ROCK2: variants seen among roughly 807,000 people sequenced by gnomAD.
ROCK2 encodes the protein Rho associated coiled-coil containing protein kinase 2.
In ROCK2, 61 loss-of-function variants were observed where a neutral mutation model predicts 195.1. The ratio of observed to expected loss-of-function variants is 0.31; its 90% confidence interval spans 0.25 to 0.39. The LOEUF (loss-of-function observed/expected upper bound fraction) is 0.39. Among genes scored for constraint, ROCK2 ranks in the 10% least tolerant of loss-of-function variants. The pLI is 1.00. For missense variants in ROCK2, 1,109 were observed against 1,637.4 expected (o/e 0.68, Z 5.57); for synonymous variants, 504 against 545.5 (o/e 0.92, Z 1.06).
chr2:11,307,978 C>T (rs1473611136), intron 1 of ROCK2: 28 of 1,482,546 alleles, frequency 1.9e-5, no homozygotes, highest in Non-Finnish European at 2.4e-5. Flanking sequence ...CCCTAGAACC[C>T]GGCCTTGCTG....
Position 11,192,407 on chromosome 2 carries a change from C to A in ROCK2, c.3949+44G>T. 6.2e-7 allele frequency: 1 copy of A among 1,606,234 alleles called. No individual in the cohort carries two copies. Among genetic ancestry groups the A allele is most frequent in the Non-Finnish European group, 8.5e-7 (1 of 1,176,942 alleles). On this transcript the variant is annotated intron_variant, in intron 31 of 32. Coordinates refer to ENST00000315872, the MANE Select transcript of ROCK2 (RefSeq NM_004850.5). This position sits in a 1 kb window ranked among gnomAD's most constrained non-coding sequence, Gnocchi z 5.0. ...AAAAAATTAATGTGCTTAAAATGAT[C>A]TGAACATAACCAATATCGATGGAGC...
rs1664178470 is a variant in ROCK2 at position 11,209,548 on chromosome 2, C to T, written c.2204-1101G>A. Among the ~76,000 whole-genome samples, 4 of 152,090 alleles carry T rather than the reference C, an allele frequency of 2.6e-5. 1 individual carries two copies. The highest frequency in any genetic ancestry group is 9.7e-5 in the African/African-American group (4 of 41,416). On this transcript the variant is annotated intron_variant, in intron 18 of 32. Coordinates refer to ENST00000315872, the MANE Select transcript of ROCK2 (RefSeq NM_004850.5). ...CTCATAGGATTATGAGTAATCTTTG[C>T]TTTTTTCTTTATACTTTCCTGTGTT...
At chr2:11,225,561 A>AG (rs1184811856) in intron 6 of ROCK2, among the ~76,000 whole-genome samples, 2 of 151,740 alleles carry the variant, frequency 1.3e-5, no homozygotes, top group Non-Finnish European at 2.9e-5. Flanking sequence ...GCTGGCCTTG[A>AG]GCTCCTGGGC....
At chr2:11,209,495 G>A (rs1664176530) in intron 18 of ROCK2, among the ~76,000 whole-genome samples, 1 of 152,140 alleles carries the variant, frequency 6.6e-6, no homozygotes, top group Non-Finnish European at 1.5e-5. Context: ...TATAGAAAGT[G>A]GAGAAAATTT....
chr2:11,192,216 A>G lies in ROCK2; in HGVS notation c.4095T>C (p.Thr1365=). Residue 1365 remains threonine (T), a synonymous_variant, in exon 32 of 33, where the codon ACT becomes ACC. Coordinates refer to ENST00000315872, the MANE Select transcript of ROCK2 (RefSeq NM_004850.5). This position sits in a 1 kb window ranked among gnomAD's most constrained non-coding sequence, Gnocchi z 5.0. The part of the protein sequence containing the change: ...PDPFARSSPR[T]SMKIQQNQSI... ...ACTGGTTTTGCTGTATCTTCATTGAAGTTCTAGGAGATGATCGGGCAAAAG... is the reference window on the plus strand; with the variant it reads ...ACTGGTTTTGCTGTATCTTCATTGAGGTTCTAGGAGATGATCGGGCAAAAG... 1 of 1,613,896 alleles carries G rather than the reference A, an allele frequency of 6.2e-7. No individual in the cohort carries two copies. The highest frequency in any genetic ancestry group is 1.1e-5 in the South Asian group (1 of 91,068).
At chr2:11,273,234 G>A (rs2148169617) in intron 3 of ROCK2, among the ~76,000 whole-genome samples, 1 of 151,550 alleles carries the variant, frequency 6.6e-6, no homozygotes, top group Non-Finnish European at 1.5e-5. Context: ...TTGGCAGAAT[G>A]AATTAAAAAA....
At chr2:11,295,906 G>C (rs1480805425) in intron 1 of ROCK2, among the ~76,000 whole-genome samples, 1 of 150,982 alleles carries the variant, frequency 6.6e-6, no homozygotes, top group South Asian at 2.1e-4. Flanking sequence ...GCAGTGAGCC[G>C]AGATCGCGCC....
intron 23 of ROCK2, among the ~76,000 whole-genome samples, chr2:11,199,825 T>C (rs1324019828): frequency 6.6e-6 from 1 of 152,246 alleles, no homozygotes; most frequent in East Asian, 1.9e-4. Context: ...GCATTGTGCC[T>C]AAATTTCTAT....
chr2:11,307,993 A>C, intron 1 of ROCK2: 1 of 1,447,778 alleles, frequency 6.9e-7, no homozygotes. Context: ...TTGCTGGGGT[A>C]GGGGCAGGAG....
intron 12 of ROCK2, among the ~76,000 whole-genome samples, chr2:11,216,514 CTTTTTT>C (rs78853931): frequency 7.2e-6 from 1 of 139,396 alleles, no homozygotes; most frequent in African/African-American, 2.6e-5. Flanking sequence ...TTTCTTTTTT[CTTTTTT>C]TTTTTTTTGA....
intron 32 of ROCK2, among the ~76,000 whole-genome samples, chr2:11,189,543 C>T (rs927251328): frequency 2.6e-5 from 4 of 152,224 alleles, no homozygotes; most frequent in Non-Finnish European, 5.9e-5. Context: ...ATCTCTCACA[C>T]TTTCAAATAA....
At chr2:11,248,733 A>AAAG (rs1665718070) in intron 4 of ROCK2, among the ~76,000 whole-genome samples, 3 of 145,306 alleles carry the variant, frequency 2.1e-5, no homozygotes, top group Non-Finnish European at 3.0e-5. Flanking sequence ...AAAAAAAAAA[A>AAAG]AAAAAGAAAG....
At chr2:11,323,445 T>G (rs1668457164) in intron 1 of ROCK2, among the ~76,000 whole-genome samples, 2 of 152,166 alleles carry the variant, frequency 1.3e-5, no homozygotes, top group African/African-American at 2.4e-5. Context: ...TAAACCTTTA[T>G]TCAAAGAATT....
chr2:11,278,769 C>T (rs1023054203), intron 3 of ROCK2, among the ~76,000 whole-genome samples: 3 of 152,098 alleles, frequency 2.0e-5, no homozygotes, highest in Admixed American at 2.0e-4. Flanking sequence ...CCTGCCGCCA[C>T]GCCTGGCTAA....
chr2:11,338,411 C>T (rs1388859386), intron 1 of ROCK2, among the ~76,000 whole-genome samples: 1 of 151,872 alleles, frequency 6.6e-6, no homozygotes, highest in African/African-American at 2.4e-5. Flanking sequence ...ATGAATCCAA[C>T]CATGGATCAA....
rs934852899 is a variant in ROCK2 at position 11,229,997 on chromosome 2, A to C, written c.724-2599T>G. ...GACTTGAATCAGAGTTATCAGTATG[A>C]GCTCCTAATTTTTAATATGCTATAT... On this transcript the variant is annotated intron_variant, in intron 5 of 32. Transcript: ENST00000315872. Among the ~76,000 whole-genome samples, 5 of 152,156 alleles carry C rather than the reference A, an allele frequency of 3.3e-5. No individual in the cohort carries two copies. In the South Asian group the frequency reaches 1.0e-3, roughly 32 times the overall value.
intron 32 of ROCK2, among the ~76,000 whole-genome samples, chr2:11,191,601 C>G (rs1663426001): frequency 6.6e-6 from 1 of 152,156 alleles, no homozygotes; most frequent in African/African-American, 2.4e-5. Flanking sequence ...AATGTGAGGT[C>G]TGTGTACAAT....
At chr2:11,331,102 GA>G (rs896190443) in intron 1 of ROCK2, among the ~76,000 whole-genome samples, 84 of 151,492 alleles carry the variant, frequency 5.5e-4, no homozygotes, top group African/African-American at 1.9e-3. Context: ...TGCTACTCAA[GA>G]AAAAAGAAAA....
Position 11,198,590 on chromosome 2 carries a change from A to G in ROCK2, c.3005-5T>C. 2 of 1,611,720 alleles carry G rather than the reference A, an allele frequency of 1.2e-6. No individual in the cohort carries two copies. Among genetic ancestry groups the G allele is most frequent in the Non-Finnish European group, 1.7e-6 (2 of 1,178,670 alleles). On this transcript the variant is annotated splice_region_variant and splice_polypyrimidine_tract_variant and intron_variant, in intron 24 of 32. Coordinates refer to ENST00000315872, the MANE Select transcript of ROCK2 (RefSeq NM_004850.5). ...CATCTTTCAATCTTGACAGTTCTGA[A>G]ACATGGAAAAAAGTTAAAATTACAT...
Sources: gnomAD v4.1 joint callset for allele counts (sites outside exome capture counted in the v4.1 genomes callset) on GRCh38, gnomAD v4.1.1 for gene constraint, Gnocchi (gnomAD v3.1) non-coding constraint, MANE v1.5 for transcripts, NCBI Gene and HGNC (gene_info 2026-07-23, HGNC 2026-07-21) for gene names.